The following AK5 variants were observed in gnomAD, a reference collection of about 807,000 sequenced individuals.
AK5 encodes adenylate kinase 5.
A neutral mutation model predicts 69.5 loss-of-function variants in AK5; 27 were observed. The ratio of observed to expected loss-of-function variants is 0.39; its 90% CI spans 0.29 to 0.54. AK5 has a LOEUF of 0.54. Ranked by LOEUF, AK5 falls within the 20% of genes least tolerant of loss-of-function variation. The pLI, the probability that AK5 is intolerant of heterozygous loss-of-function variation, is 0.71. For missense variants in AK5, 531 were observed against 700.4 expected, an observed-to-expected ratio of 0.76 and a Z score of 2.73; for synonymous variants, 260 against 244.4, an observed-to-expected ratio of 1.06 and a Z score of -0.60.
At chr1:77,397,282 G>A (rs1317946234) in intron 6 of AK5, among the ~76,000 whole-genome samples, 2 of 151,938 alleles carry the variant, frequency 1.3e-5, no homozygotes, top group African/African-American at 4.8e-5. Flanking sequence ...ATTGCCACAC[G>A]TACCCACCGC....
intron 10 of AK5, among the ~76,000 whole-genome samples, chr1:77,506,255 G>GGTTGGTTGT (rs1459150498): frequency 2.8e-5 from 4 of 143,206 alleles, no homozygotes; most frequent in Non-Finnish European, 3.0e-5. Context: ...TTGGTTGGTT[G>GGTTGGTTGT]TTTTTTTTCA....
chr1:77,347,437 C>T (rs1661971816), intron 6 of AK5, among the ~76,000 whole-genome samples: 1 of 152,132 alleles, frequency 6.6e-6, no homozygotes, highest in South Asian at 2.1e-4. Flanking sequence ...TCAGAAAAGT[C>T]CTGTTGCTTC....
At chr1:77,528,168 C>T (rs1192894123) in intron 12 of AK5, among the ~76,000 whole-genome samples, 1 of 152,156 alleles carries the variant, frequency 6.6e-6, no homozygotes, top group African/African-American at 2.4e-5. Context: ...ATTTGTAGCT[C>T]CCCTCCAAAT....
chr1:77,436,540 A>G (rs1405489201), intron 8 of AK5, among the ~76,000 whole-genome samples: 1 of 151,852 alleles, frequency 6.6e-6, no homozygotes, highest in African/African-American at 2.4e-5. Flanking sequence ...AGAAGCCAAG[A>G]ACAAACTTAT....
intron 8 of AK5, 28 bp downstream of exon 8, chr1:77,417,743 A>T (rs562493785): frequency 7.2e-7 from 1 of 1,393,464 alleles, no homozygotes; most frequent in South Asian, 1.2e-5. Flanking sequence ...ATAGTTCTCT[A>T]TTTAAATGTT....
chr1:77,414,919 G>A (rs977106456), intron 7 of AK5, among the ~76,000 whole-genome samples: 2 of 152,032 alleles, frequency 1.3e-5, no homozygotes, highest in Non-Finnish European at 2.9e-5. Flanking sequence ...AGAAACCAAT[G>A]CTAAAAGAAA....
Position 77,438,312 on chromosome 1 carries a change from A to G in AK5, c.1059+20597A>G, listed in dbSNP as rs866845646. On this transcript the variant is annotated intron_variant, in intron 8 of 13. Coordinates refer to ENST00000354567, the MANE Select transcript of AK5 (RefSeq NM_174858.3). The stretch of plus-strand genomic sequence containing the variant: ...TTTGGTACAAAAAAAAAAAAAAAAA[A>G]AAAAAAAAAAAACAAGCTTGGGGAG... Among the ~76,000 whole-genome samples the G allele has an allele frequency of 1.2e-4, 17 of 147,092 alleles. 1 individual carries two copies. Among genetic ancestry groups the G allele is most frequent in the East Asian group, 2.0e-4 (1 of 5,052 alleles).
At chr1:77,417,550 G>A in intron 7 of AK5, 89 bp from the exon 8 acceptor site, 1 of 787,388 alleles carries the variant, frequency 1.3e-6, no homozygotes, top group South Asian at 1.5e-5. Flanking sequence ...TGTGATATAG[G>A]AAAATATGGA....
chr1:77,336,519 G>C (rs1198207345), intron 5 of AK5, among the ~76,000 whole-genome samples: 1 of 152,056 alleles, frequency 6.6e-6, no homozygotes, highest in Non-Finnish European at 1.5e-5. Flanking sequence ...CTTATGTCTT[G>C]TAAAGTTATC....
chr1:77,358,018 T>TGTGAGA (rs762714026), intron 6 of AK5, among the ~76,000 whole-genome samples: 2 of 128,178 alleles, frequency 1.6e-5, no homozygotes, highest in African/African-American at 5.5e-5. Flanking sequence ...TGTGTGTGTG[T>TGTGAGA]GAGAGAGAGA....
rs1189656989 is a variant in AK5 at position 77,417,652 on chromosome 1, T to G, written c.996T>G (p.Leu332=). 3 of 1,607,978 alleles carry G rather than the reference T, an allele frequency of 1.9e-6. No individual in the cohort carries two copies. Among genetic ancestry groups the G allele is most frequent in the Non-Finnish European group, 2.6e-6 (3 of 1,175,358 alleles). Residue 332 remains leucine, a synonymous_variant, in exon 8 of 14, where the codon CTT becomes CTG. Coordinates refer to ENST00000354567, the MANE Select transcript of AK5 (RefSeq NM_174858.3). ...NKEAAAGSSD[L]DPSMILDTGE... ...TCCTAATCTTAGGTTCAAGTGACCT[T>G]GATCCTTCGATGATATTGGACACTG... is the stretch of plus-strand genomic sequence containing the variant.
intron 10 of AK5, among the ~76,000 whole-genome samples, chr1:77,491,830 A>C (rs1656026223): frequency 6.6e-6 from 1 of 152,186 alleles, no homozygotes; most frequent in African/African-American, 2.4e-5. Flanking sequence ...TTCTGGAGTA[A>C]GCACTATTAC....
intron 5 of AK5, among the ~76,000 whole-genome samples, chr1:77,309,681 A>G (rs778248592): frequency 2.6e-5 from 4 of 152,122 alleles, no homozygotes; most frequent in East Asian, 3.8e-4. Flanking sequence ...GTGTTTCTGT[A>G]TCACTATTTT....
At chr1:77,312,960 G>T (rs1225782841) in intron 5 of AK5, among the ~76,000 whole-genome samples, 2 of 151,992 alleles carry the variant, frequency 1.3e-5, no homozygotes, top group Non-Finnish European at 2.9e-5. Flanking sequence ...AATGATGCTG[G>T]CTAGTTCTCT....
At chr1:77,381,805 T>G (rs1289571217) in intron 6 of AK5, among the ~76,000 whole-genome samples, 5 of 152,232 alleles carry the variant, frequency 3.3e-5, no homozygotes, top group Non-Finnish European at 7.3e-5. Context: ...ATAGAGACAC[T>G]TATTTAAAAG....
At chr1:77,497,133 T>A (rs1656368246) in intron 10 of AK5, among the ~76,000 whole-genome samples, 1 of 152,172 alleles carries the variant, frequency 6.6e-6, no homozygotes, top group African/African-American at 2.4e-5. Context: ...GTGGCTTCAC[T>A]CCTGAAGGCA....
intron 7 of AK5, among the ~76,000 whole-genome samples, chr1:77,414,669 AT>A: frequency 6.6e-6 from 1 of 152,330 alleles, no homozygotes; most frequent in East Asian, 1.9e-4. Flanking sequence ...TAGAAATAAT[AT>A]TTTTAAATCT....
At chr1:77,496,435 C>G (rs1656318922) in intron 10 of AK5, among the ~76,000 whole-genome samples, 1 of 152,196 alleles carries the variant, frequency 6.6e-6, no homozygotes, top group Non-Finnish European at 1.5e-5. Flanking sequence ...AGATGGAGCA[C>G]TCTGCCAACC....
intron 13 of AK5, among the ~76,000 whole-genome samples, chr1:77,542,838 C>T (rs185831910): frequency 3.9e-5 from 6 of 152,198 alleles, no homozygotes; most frequent in African/African-American, 1.4e-4. Flanking sequence ...CCCAGAAACA[C>T]CCCAGGCCAT....
Sources: gnomAD v4.1 joint callset for allele counts (sites outside exome capture counted in the v4.1 genomes callset) on GRCh38, gnomAD v4.1.1 for gene constraint, MANE v1.5 for transcripts, NCBI Gene and HGNC (gene_info 2026-07-23, HGNC 2026-07-21) for gene names.